The following MED30 variants were observed in gnomAD, a reference collection of about 807,000 sequenced individuals.
The protein encoded by MED30 is mediator of RNA polymerase II transcription subunit 30.
In MED30, 8 loss-of-function variants were observed where a neutral mutation model predicts 21.7. That is an observed-to-expected ratio of 0.37 (90% CI 0.22 to 0.67). The LOEUF (loss-of-function observed/expected upper bound fraction) is 0.67. Ranked by LOEUF, MED30 falls within the 30% of genes least tolerant of loss-of-function variation. The pLI, the probability that MED30 is intolerant of heterozygous loss-of-function variation, is 0.58. For missense variants in MED30, 203 were observed against 228.2 expected (o/e 0.89, Z 0.71); for synonymous variants, 79 against 86.7 (o/e 0.91, Z 0.49).
At chr8:117,526,279 A>AT (rs1414387551) in intron 1 of MED30, among the ~76,000 whole-genome samples, 5 of 151,834 alleles carry the variant, frequency 3.3e-5, no homozygotes, top group African/African-American at 9.7e-5. Context: ...ATGTTTCAAC[A>AT]TTTTTTTCTC....
chr8:117,521,557 C>T (rs1454829796), intron 1 of MED30, among the ~76,000 whole-genome samples: 1 of 152,148 alleles, frequency 6.6e-6, no homozygotes, highest in East Asian at 1.9e-4. Context: ...AAATAGTGTA[C>T]ACATCATCCC....
At chr8:117,524,839 A>T (rs1327762043) in intron 1 of MED30, among the ~76,000 whole-genome samples, 2 of 152,176 alleles carry the variant, frequency 1.3e-5, no homozygotes, top group Non-Finnish European at 2.9e-5. Context: ...AGATAATAGT[A>T]TATTATACAC....
chr8:117,534,983 A>G (rs1435420600), intron 3 of MED30, among the ~76,000 whole-genome samples: 1 of 151,466 alleles, frequency 6.6e-6, no homozygotes. Context: ...ACTGACATAG[A>G]GTTTTGTGGA....
chr8:117,531,022 T>C (rs575527228), intron 3 of MED30, among the ~76,000 whole-genome samples, 195 bp downstream of exon 3: 2 of 152,090 alleles, frequency 1.3e-5, no homozygotes, highest in East Asian at 3.9e-4. Flanking sequence ...AGAAGAGAAA[T>C]TGCAAAATTC....
Position 117,532,943 on chromosome 8 carries a change from T to C in MED30, c.441+2116T>C, listed in dbSNP as rs145457455. Among the ~76,000 whole-genome samples, 280 of 152,158 alleles carry C rather than the reference T, an allele frequency of 1.8e-3. 1 individual carries two copies. Among genetic ancestry groups the C allele is most frequent in the African/African-American group, 5.7e-3 (238 of 41,560 alleles). On this transcript the variant is annotated intron_variant, in intron 3 of 3. Transcript: ENST00000297347. Reference sequence around the variant, plus strand: ...TTATATGTTTCTGTTGATAAATATGTATTACCTCAATAAATGTGTTCTGCT... The same window carrying C: ...TTATATGTTTCTGTTGATAAATATGCATTACCTCAATAAATGTGTTCTGCT...
rs1346297751 is a variant in MED30, at chr8:117,520,763, C to T, written c.-114C>T. The T allele has an allele frequency of 3.6e-6, 4 of 1,100,756 alleles. No homozygotes were observed. The highest frequency in any genetic ancestry group is 3.3e-5 in the African/African-American group (2 of 60,976). The allele number at this position is 1,100,756 out of a possible 1,614,324, so 68.2% of individuals were successfully genotyped here. ...CGCGGCCGCTGTTTTGAAATCGGGC[C>T]GCGGGGGGTCTCTCAAGCTGGTTCC... On this transcript the variant is annotated 5_prime_UTR_variant, in exon 1 of 4. Coordinates refer to ENST00000297347, the MANE Select transcript of MED30 (RefSeq NM_080651.4).
At chr8:117,536,596 C>T (rs1818882182) in intron 3 of MED30, among the ~76,000 whole-genome samples, 2 of 152,290 alleles carry the variant, frequency 1.3e-5, no homozygotes, top group South Asian at 2.1e-4. Flanking sequence ...ACAAAAACCA[C>T]CAATAACTAT....
At chr8:117,521,083 G>C (rs375761458) in intron 1 of MED30, 30 bp downstream of exon 1, 165 of 1,553,286 alleles carry the variant, frequency 1.1e-4, no homozygotes, top group Non-Finnish European at 1.4e-4. Flanking sequence ...AGGCCAGGGG[G>C]ATGCAGCTGG....
intron 3 of MED30, among the ~76,000 whole-genome samples, chr8:117,532,701 TA>T (rs1302065904): frequency 1.3e-5 from 2 of 152,084 alleles, no homozygotes; most frequent in Non-Finnish European, 2.9e-5. Flanking sequence ...ATAGATTTTA[TA>T]AAATAAAATT....
chr8:117,522,851 T>TA (rs1403572230), intron 1 of MED30, among the ~76,000 whole-genome samples: 2 of 152,198 alleles, frequency 1.3e-5, no homozygotes, highest in South Asian at 2.1e-4. Flanking sequence ...TAGCATACTT[T>TA]AAAAAAAATT....
At chr8:117,523,780 G>C (rs921754210) in intron 1 of MED30, 3 of 825,536 alleles carry the variant, frequency 3.6e-6, no homozygotes, top group Admixed American at 2.5e-5. Flanking sequence ...AGGCCGAGGT[G>C]GGCGGATCAC....
chr8:117,530,420 T>TG (rs1423235552), intron 2 of MED30: 1 of 172,158 alleles, frequency 5.8e-6, no homozygotes, highest in Non-Finnish European at 1.2e-5. Context: ...TTTTTTTAAA[T>TG]TTTTATTTTA....
rs1024495009 is a variant in MED30, at chr8:117,520,793, C to T, written c.-84C>T. On this transcript the variant is annotated 5_prime_UTR_variant, in exon 1 of 4. Coordinates refer to ENST00000297347, the MANE Select transcript of MED30 (RefSeq NM_080651.4). ...GGGGTCTCTCAAGCTGGTTCCAACG[C>T]TGAGGCCCCACAGCCTCCCAATTCC... 1.7e-5 allele frequency: 23 copies of T among 1,369,914 alleles called. No individual in the cohort carries two copies. In the South Asian group the frequency reaches 2.7e-4, roughly 16 times the overall value. 84.9% of individuals were successfully genotyped at this position (1,369,914 alleles called of 1,614,324 possible).
chr8:117,526,729 C>T (rs1818725192), intron 1 of MED30, among the ~76,000 whole-genome samples: 1 of 151,938 alleles, frequency 6.6e-6, no homozygotes, highest in Non-Finnish European at 1.5e-5. Flanking sequence ...TAGAACAGTG[C>T]TGACACATGA....
chr8:117,522,444 T>C (rs1818640664), intron 1 of MED30, among the ~76,000 whole-genome samples: 1 of 152,198 alleles, frequency 6.6e-6, no homozygotes, highest in Admixed American at 6.5e-5. Context: ...TGCTGACCCA[T>C]TTTTAATGCT....
intron 1 of MED30, among the ~76,000 whole-genome samples, chr8:117,527,120 G>A (rs1475129313): frequency 1.3e-5 from 2 of 151,942 alleles, no homozygotes; most frequent in Non-Finnish European, 2.9e-5. Flanking sequence ...ACAGAGTGCT[G>A]TTCTAGGCAA....
At chr8:117,535,934 T>A (rs1818872371) in intron 3 of MED30, among the ~76,000 whole-genome samples, 1 of 152,042 alleles carries the variant, frequency 6.6e-6, no homozygotes, top group Non-Finnish European at 1.5e-5. Flanking sequence ...TACTGAGGAG[T>A]TATTTAAACA....
intron 1 of MED30, among the ~76,000 whole-genome samples, chr8:117,521,788 G>C (rs560948415): frequency 6.6e-6 from 1 of 151,750 alleles, no homozygotes; most frequent in Non-Finnish European, 1.5e-5. Flanking sequence ...TTGTATCCAT[G>C]TATCACCATT....
At chr8:117,527,797 A>C (rs566252300) in intron 1 of MED30, among the ~76,000 whole-genome samples, 71 of 151,980 alleles carry the variant, frequency 4.7e-4, no homozygotes, top group African/African-American at 1.6e-3. Flanking sequence ...CTGTGTAAAT[A>C]GTATTGATTC....
Sources: gnomAD v4.1 joint callset for allele counts (sites outside exome capture counted in the v4.1 genomes callset) on GRCh38, gnomAD v4.1.1 for gene constraint, MANE v1.5 for transcripts, NCBI Gene and HGNC (gene_info 2026-07-23, HGNC 2026-07-21) for gene names.